Variants in STK24 observed in about 807,000 individuals in gnomAD.
STK24 encodes serine/threonine-protein kinase 24.
A neutral mutation model predicts 55.6 loss-of-function variants in STK24; 21 were observed. That is an observed-to-expected ratio of 0.38 (90% confidence interval 0.27 to 0.54). The LOEUF (loss-of-function observed/expected upper bound fraction) is 0.54. Ranked by LOEUF, STK24 falls within the 20% of genes least tolerant of loss-of-function variation. STK24 has a pLI of 0.79. For synonymous variants in STK24, 200 were observed against 215.2 expected (o/e 0.93, Z 0.62); for missense variants, 383 against 538.4 (o/e 0.71, Z 2.86).
intron 1 of STK24, among the ~76,000 whole-genome samples, chr13:98,522,356 G>T (rs569796584): frequency 6.6e-6 from 1 of 152,134 alleles, no homozygotes; most frequent in Non-Finnish European, 1.5e-5. Flanking sequence ...AAACCTGCCC[G>T]AACAGAACCA....
intron 2 of STK24, among the ~76,000 whole-genome samples, chr13:98,486,897 G>T (rs1264239286): frequency 6.6e-6 from 1 of 152,204 alleles, no homozygotes; most frequent in Non-Finnish European, 1.5e-5. Flanking sequence ...AACAAGATGG[G>T]AATCAGATCG....
rs77398169 is a variant in STK24 at position 98,564,125 on chromosome 13, C to A, written c.42+12620G>T. Among the ~76,000 whole-genome samples, 1,460 of 152,216 alleles carry A rather than the reference C, an allele frequency of 9.6e-3. 6 individuals carry two copies. The highest frequency in any genetic ancestry group is 0.016 in the Non-Finnish European group (1,086 of 68,004). On this transcript the variant is annotated intron_variant, in intron 1 of 10. Transcript: ENST00000539966. ...TCAACTATACATAAAAGCCAACATC[C>A]CAAACATTGAAAACTCTACTGATAT...
At chr13:98,547,673 G>A (rs1897060891) in intron 1 of STK24, among the ~76,000 whole-genome samples, 1 of 152,164 alleles carries the variant, frequency 6.6e-6, no homozygotes, top group Non-Finnish European at 1.5e-5. Flanking sequence ...GCCATGGGCT[G>A]GGGAGGCAAG....
At position 98,576,732 on chromosome 13, in the gene STK24, C is replaced by A; in HGVS notation, c.42+13G>T. The A allele has an allele frequency of 6.8e-7, 1 of 1,460,056 alleles. No homozygotes were observed. The allele number at this position is 1,460,056 out of a possible 1,614,324, so 90.4% of individuals were successfully genotyped here. On this transcript the variant is annotated intron_variant, in intron 1 of 10. Transcript: ENST00000539966. ...GGTCGCGCATCCCGGCCCCGCGGCCCGCGCCCGCCTACCTGCATGCCGGGC... is the reference window on the plus strand; with the variant it reads ...GGTCGCGCATCCCGGCCCCGCGGCCAGCGCCCGCCTACCTGCATGCCGGGC...
chr13:98,509,166 T>A (rs1296106040), intron 2 of STK24, among the ~76,000 whole-genome samples: 2 of 152,176 alleles, frequency 1.3e-5, no homozygotes, highest in African/African-American at 4.8e-5. Flanking sequence ...CTAGGAGATA[T>A]GAATTCAACA....
chr13:98,521,700 C>CT, intron 1 of STK24: 1 of 752,318 alleles, frequency 1.3e-6, no homozygotes, highest in Non-Finnish European at 2.5e-6. Flanking sequence ...GCAGCGCATC[C>CT]TTTTTTAGCT....
At chr13:98,539,120 A>G (rs1160259566) in intron 1 of STK24, among the ~76,000 whole-genome samples, 1 of 151,668 alleles carries the variant, frequency 6.6e-6, no homozygotes, top group African/African-American at 2.4e-5. Flanking sequence ...TTTGTACACA[A>G]TTTTCCATTT....
intron 2 of STK24, among the ~76,000 whole-genome samples, chr13:98,489,987 T>C (rs886129061): frequency 1.4e-4 from 22 of 152,196 alleles, no homozygotes; most frequent in African/African-American, 5.3e-4. Context: ...AAAACGGTTC[T>C]AGAAGTGGCA....
At chr13:98,485,292 G>A (rs1326006149) in intron 2 of STK24, among the ~76,000 whole-genome samples, 1 of 152,204 alleles carries the variant, frequency 6.6e-6, no homozygotes, top group African/African-American at 2.4e-5. Context: ...ATAAGCTGGT[G>A]GGGTAGGGGA....
Position 98,531,782 on chromosome 13 carries a change from C to CT in STK24, c.43-12310dup, listed in dbSNP as rs1292993050. Among the ~76,000 whole-genome samples the CT allele has an allele frequency of 4.6e-5, 7 of 152,156 alleles. No individual in the cohort carries two copies. In the East Asian group the frequency reaches 1.3e-3, roughly 29 times the overall value. ...TTAATGGGTTTTTGGCTAGACATCA[C>CT]TAACTACCCAACGATGCCTATCGTC... On this transcript the variant is annotated intron_variant, in intron 1 of 10. Coordinates refer to ENST00000539966, the MANE Select transcript of STK24 (RefSeq NM_001032296.4).
chr13:98,559,643 C>T (rs751394525), intron 1 of STK24, among the ~76,000 whole-genome samples: 10 of 152,158 alleles, frequency 6.6e-5, no homozygotes, highest in Non-Finnish European at 1.5e-4. Flanking sequence ...TAGCAAAGAT[C>T]TTTACAACAA....
Position 98,466,504 on chromosome 13 carries a change from G to A in STK24, c.655C>T (p.His219Tyr). 1.2e-6 allele frequency: 2 copies of A among 1,614,146 alleles called. No homozygotes were observed. Among genetic ancestry groups the A allele is most frequent in the Non-Finnish European group, 1.7e-6 (2 of 1,180,042 alleles). The change falls in exon 6 of 11, where the codon CAT becomes TAT. Residue 219 changes from histidine to tyrosine, a missense_variant. Transcript: ENST00000539966. Reference sequence around the variant, plus strand: ...ACTTTCATGGGGTGCAGCTCGGAATGAGGTGGTTCCCCTCTTGCAAGTTCA... The same window carrying A: ...ACTTTCATGGGGTGCAGCTCGGAATAAGGTGGTTCCCCTCTTGCAAGTTCA... ...AIELARGEPPHSELHPMKVLF... is the reference protein window; with the variant it reads ...AIELARGEPPYSELHPMKVLF...
chr13:98,551,330 C>T (rs1005943705), intron 1 of STK24, among the ~76,000 whole-genome samples: 10 of 151,842 alleles, frequency 6.6e-5, no homozygotes, highest in African/African-American at 2.2e-4. Flanking sequence ...CCCATTTCTC[C>T]TTGTTTTCTG....
chr13:98,463,695 C>T lies in STK24; in HGVS notation c.925G>A (p.Asp309Asn). 4 of 1,613,692 alleles carry T rather than the reference C, an allele frequency of 2.5e-6. No individual in the cohort carries two copies. Among genetic ancestry groups the T allele is most frequent in the Non-Finnish European group, 3.4e-6 (4 of 1,179,712 alleles). The part of the protein sequence containing the change: ...SHDDSSSEDS[D>N]AETDGQASGG... ...GTCACTCAGGGGCCGACTTACGCGTCGGAATCCTCGGAGCTCGAGTCGTCA... is the reference window on the plus strand; with the variant it reads ...GTCACTCAGGGGCCGACTTACGCGTTGGAATCCTCGGAGCTCGAGTCGTCA... Residue 309 changes from aspartate (D) to asparagine (N), a missense_variant, in exon 7 of 11, where the codon GAC becomes AAC. By Grantham distance (23) the Asp-to-Asn change is conservative. Transcript: ENST00000539966.
chr13:98,574,577 G>GA (rs1299060929), intron 1 of STK24, among the ~76,000 whole-genome samples: 1 of 152,168 alleles, frequency 6.6e-6, no homozygotes, highest in Non-Finnish European at 1.5e-5. Context: ...TTCCCCAAAT[G>GA]ATACACTGTT....
At chr13:98,500,560 C>A (rs1334821191) in intron 2 of STK24, among the ~76,000 whole-genome samples, 1 of 152,220 alleles carries the variant, frequency 6.6e-6, no homozygotes, top group Admixed American at 6.5e-5. Context: ...GTGGCACCTA[C>A]TAACATCTCA....
At chr13:98,521,983 C>G (rs781520397) in intron 1 of STK24, 37 of 1,435,750 alleles carry the variant, frequency 2.6e-5, no homozygotes, top group Non-Finnish European at 3.2e-5. Flanking sequence ...AACGAAAGCA[C>G]TCTCCCTAAC....
intron 1 of STK24, among the ~76,000 whole-genome samples, chr13:98,532,338 T>TC (rs1316061636): frequency 2.6e-5 from 4 of 151,948 alleles, no homozygotes; most frequent in Non-Finnish European, 5.9e-5. Flanking sequence ...GGGCAACCCC[T>TC]CCCCACCACC....
chr13:98,476,824 G>A (rs1158614768), intron 3 of STK24, among the ~76,000 whole-genome samples: 5 of 152,254 alleles, frequency 3.3e-5, no homozygotes, highest in Non-Finnish European at 5.9e-5. Context: ...ACTCTCAGAG[G>A]TGGCCTCTCC....
Sources: gnomAD v4.1 joint callset for allele counts (sites outside exome capture counted in the v4.1 genomes callset) on GRCh38, gnomAD v4.1.1 for gene constraint, MANE v1.5 for transcripts, NCBI Gene and HGNC (gene_info 2026-07-23, HGNC 2026-07-21) for gene names.